The following RBFOX3 variants were observed in gnomAD, a reference collection of about 807,000 sequenced individuals.
RBFOX3 encodes RNA binding fox-1 homolog 3, also known as RNA binding protein fox-1 homolog 3.
In RBFOX3, 17 loss-of-function variants were observed where a neutral mutation model predicts 48.7. The ratio of observed to expected loss-of-function variants is 0.35; its 90% CI spans 0.24 to 0.52. RBFOX3 has a LOEUF of 0.52. RBFOX3 is among the 20% of genes least tolerant of loss of function. The pLI is 0.94. For missense variants in RBFOX3, 382 were observed against 497.5 expected, an observed-to-expected ratio of 0.77 and a Z score of 2.21; for synonymous variants, 212 against 209.5, an observed-to-expected ratio of 1.01 and a Z score of -0.10.
chr17:79,145,953 GA>G (rs1329216576), intron 4 of RBFOX3, among the ~76,000 whole-genome samples: 1 of 152,180 alleles, frequency 6.6e-6, no homozygotes, highest in Non-Finnish European at 1.5e-5. Flanking sequence ...GTTTTGGAAT[GA>G]AACTGTTCCA....
chr17:79,090,666 C>T lies in RBFOX3; in HGVS notation c.*217G>A. On this transcript the variant is annotated 3_prime_UTR_variant, in exon 15 of 15. Coordinates refer to ENST00000693108, the MANE Select transcript of RBFOX3 (RefSeq NM_001350451.2). ...CCAGGACGCGGTGGGGCCGTCCTGT[C>T]CTGGGGCCGCTCCTCGGCGCCCCTG... The T allele has an allele frequency of 3.3e-6, 2 of 604,246 alleles. No individual in the cohort carries two copies. Among genetic ancestry groups the T allele is most frequent in the Non-Finnish European group, 5.8e-6 (2 of 344,998 alleles). The allele number at this position is 604,246 out of a possible 1,614,324, so 37.4% of individuals were successfully genotyped here.
chr17:79,265,094 A>G (rs60944471), intron 3 of RBFOX3, among the ~76,000 whole-genome samples: 7,730 of 152,272 alleles, frequency 0.051, 228 homozygotes, highest in South Asian at 0.095. Context: ...CTCGGCAGTG[A>G]CCACAGGGTG....
At chr17:79,548,876 C>A (rs1006284304) in intron 1 of RBFOX3, among the ~76,000 whole-genome samples, 14 of 152,224 alleles carry the variant, frequency 9.2e-5, no homozygotes, top group Admixed American at 5.9e-4. Flanking sequence ...CATAAAAAGC[C>A]TGCAAGCTAG....
At chr17:79,609,588 C>T (rs1274716436) in intron 1 of RBFOX3, among the ~76,000 whole-genome samples, 1 of 152,192 alleles carries the variant, frequency 6.6e-6, no homozygotes, top group Non-Finnish European at 1.5e-5. Flanking sequence ...GGAGGCAGCT[C>T]TGTTGTCCAG....
intron 2 of RBFOX3, among the ~76,000 whole-genome samples, chr17:79,453,758 C>T (rs932090522): frequency 2.0e-5 from 3 of 152,062 alleles, no homozygotes; most frequent in African/African-American, 7.2e-5. Flanking sequence ...CCCCAGAGGA[C>T]CCTGGGGGAG....
chr17:79,278,872 G>A (rs8064643), intron 3 of RBFOX3, among the ~76,000 whole-genome samples: 23,324 of 152,242 alleles, frequency 0.15, 2,642 homozygotes, highest in African/African-American at 0.32. Flanking sequence ...AATGCAAGCC[G>A]TGGGAGGAGA....
rs1437296769 is a variant in RBFOX3 at position 79,392,577 on chromosome 17, C to T, written c.-174-84753G>A. On this transcript the variant is annotated intron_variant, in intron 2 of 14. Transcript: ENST00000693108. The surrounding 1 kb of genome is among the most constrained non-coding windows in gnomAD (Gnocchi z 5.0). ...AAGTTAGGCACCATCCCGTGACTTG[C>T]TTTGCCCAACAAAATGGGAGCAGAG... 6.6e-6 allele frequency among the ~76,000 whole-genome samples: 1 copy of T among 152,182 alleles called. No individual in the cohort carries two copies. Among genetic ancestry groups the T allele is most frequent in the Non-Finnish European group, 1.5e-5 (1 of 68,028 alleles).
chr17:79,427,530 G>A (rs1190673469), intron 2 of RBFOX3, among the ~76,000 whole-genome samples: 1 of 152,218 alleles, frequency 6.6e-6, no homozygotes, highest in East Asian at 1.9e-4. Context: ...TTTGCCTTGT[G>A]GATGCTCCTG....
rs1358083247 is a variant in RBFOX3, at chr17:79,299,173, G to A, written c.-74+8551C>T. On this transcript the variant is annotated intron_variant, in intron 3 of 14. Coordinates refer to ENST00000693108, the MANE Select transcript of RBFOX3 (RefSeq NM_001350451.2). This position sits in a 1 kb window ranked among gnomAD's most constrained non-coding sequence, Gnocchi z 4.5. ...GTGCTGGCAAAACAGAGGCCAGAGA[G>A]GGTGGGATGTGAGGGCGGGTCCCAT... Among the ~76,000 whole-genome samples the A allele has an allele frequency of 6.6e-6, 1 of 151,786 alleles. No homozygotes were observed. The highest frequency in any genetic ancestry group is 1.5e-5 in the Non-Finnish European group (1 of 67,926).
At chr17:79,375,358 GACACACACACACACACACACACACACAC>G (rs534923135) in intron 2 of RBFOX3, among the ~76,000 whole-genome samples, 1 of 136,186 alleles carries the variant, frequency 7.3e-6, no homozygotes, top group Admixed American at 7.5e-5. Context: ...GAAGACAGAA[GACACACACACACACACACACACACACAC>G]ACACACACAC....
chr17:79,230,167 T>C (rs1222102575), intron 4 of RBFOX3, among the ~76,000 whole-genome samples: 1 of 152,246 alleles, frequency 6.6e-6, no homozygotes. Context: ...CGTCGGCCTC[T>C]AGGTTCCCTT....
At chr17:79,556,059 G>C (rs1308906278) in intron 1 of RBFOX3, among the ~76,000 whole-genome samples, 5 of 152,204 alleles carry the variant, frequency 3.3e-5, no homozygotes, top group Non-Finnish European at 5.9e-5. Flanking sequence ...TAGAATGTCA[G>C]AGCGGGAAAG....
At chr17:79,265,311 C>T (rs1218469414) in intron 3 of RBFOX3, among the ~76,000 whole-genome samples, 1 of 152,234 alleles carries the variant, frequency 6.6e-6, no homozygotes, top group African/African-American at 2.4e-5. Context: ...TATTAACTGT[C>T]TTCAGGCGGT....
chr17:79,146,863 G>C (rs2043147688), intron 4 of RBFOX3, among the ~76,000 whole-genome samples: 1 of 152,192 alleles, frequency 6.6e-6, no homozygotes. Context: ...AGAGGCCTGA[G>C]GAGGGCGGGT....
intron 1 of RBFOX3, among the ~76,000 whole-genome samples, chr17:79,486,109 G>A (rs948983574): frequency 3.9e-5 from 6 of 152,222 alleles, no homozygotes; most frequent in Admixed American, 6.5e-5. Context: ...GTGGAACCAC[G>A]GTGGGAGGCA....
At chr17:79,488,812 C>T (rs766581390) in intron 1 of RBFOX3, among the ~76,000 whole-genome samples, 84 of 152,168 alleles carry the variant, frequency 5.5e-4, no homozygotes, top group African/African-American at 1.8e-3. Context: ...ATCACAGCTG[C>T]GCTTTCTCCT....
intron 2 of RBFOX3, among the ~76,000 whole-genome samples, chr17:79,326,081 T>C (rs1297370175): frequency 6.6e-6 from 1 of 152,164 alleles, no homozygotes. Flanking sequence ...GGTTAAGAAC[T>C]AGCAAGAGGG....
chr17:79,419,460 G>A (rs928671854), intron 2 of RBFOX3, among the ~76,000 whole-genome samples: 3 of 152,214 alleles, frequency 2.0e-5, no homozygotes, highest in Non-Finnish European at 1.5e-5. Context: ...AGCAGGCAAC[G>A]AGGACCACCC....
At chr17:79,467,075 C>T (rs2076410391) in intron 2 of RBFOX3, among the ~76,000 whole-genome samples, 1 of 152,174 alleles carries the variant, frequency 6.6e-6, no homozygotes, top group Non-Finnish European at 1.5e-5. Context: ...GCTGGCACTG[C>T]CACGGGCATG....
Sources: allele counts gnomAD v4.1 joint callset (sites outside exome capture counted in the v4.1 genomes callset), GRCh38; gene constraint gnomAD v4.1.1; non-coding constraint Gnocchi (gnomAD v3.1); transcripts MANE v1.5; gene names NCBI Gene and HGNC (gene_info 2026-07-23, HGNC 2026-07-21).